The following DMD variants were observed in gnomAD, a reference collection of about 807,000 sequenced individuals.
DMD encodes dystrophin, also known as mutant dystrophin.
A neutral mutation model predicts 330.1 loss-of-function variants in DMD; 63 were observed. The observed-to-expected ratio is 0.19, with a 90% CI of 0.16 to 0.24. The LOEUF (loss-of-function observed/expected upper bound fraction) is 0.24. Ranked by LOEUF, DMD falls within the 10% of genes least tolerant of loss-of-function variation. The pLI, the probability that DMD is intolerant of heterozygous loss-of-function variation, is 1.00. For missense variants in DMD, 3,344 were observed against 2,684.1 expected (o/e 1.25, Z -5.43); for synonymous variants, 1,223 against 959.8 (o/e 1.27, Z -5.07).
chrX:31,325,027 T>C (rs2056680861), intron 61 of DMD, among the ~76,000 whole-genome samples: 1 of 112,296 alleles, frequency 8.9e-6, no homozygotes, highest in South Asian at 3.7e-4. Flanking sequence ...GGATTTGTAT[T>C]TGGCCGGTAA....
intron 13 of DMD, among the ~76,000 whole-genome samples, chrX:32,576,308 C>G (rs1325875600): frequency 3.6e-5 from 4 of 111,235 alleles, no homozygotes; most frequent in Non-Finnish European, 5.7e-5. Flanking sequence ...CCCCAGCATG[C>G]GATTTTTTTC....
chrX:32,918,444 G>A (rs767657310), intron 2 of DMD, among the ~76,000 whole-genome samples: 6 of 110,817 alleles, frequency 5.4e-5, no homozygotes, highest in South Asian at 7.6e-4. Context: ...TCTGCCTCCC[G>A]CCTCAAGTGA....
chrX:32,110,576 T>G (rs1410522542), intron 44 of DMD, among the ~76,000 whole-genome samples: 2 of 111,484 alleles, frequency 1.8e-5, no homozygotes, highest in Non-Finnish European at 3.8e-5. Context: ...AGACTCTAAC[T>G]GGAGAAGAGA....
At chrX:31,782,701 C>T (rs142533353) in intron 50 of DMD, among the ~76,000 whole-genome samples, 281 of 111,507 alleles carry the variant, frequency 2.5e-3, no homozygotes, top group Middle Eastern at 9.3e-3. Flanking sequence ...AACACTTGTA[C>T]GCAAAACAGG....
intron 60 of DMD, among the ~76,000 whole-genome samples, chrX:31,441,291 G>T (rs1357583459): frequency 9.0e-6 from 1 of 111,622 alleles, no homozygotes; most frequent in Non-Finnish European, 1.9e-5. Context: ...CTGCCTCCTG[G>T]TTTCAAGCAA....
intron 52 of DMD, among the ~76,000 whole-genome samples, chrX:31,728,628 C>A (rs1266062807): frequency 9.0e-6 from 1 of 111,453 alleles, no homozygotes; most frequent in Non-Finnish European, 1.9e-5. Flanking sequence ...GTTAACATAG[C>A]AGAATATAAA....
intron 2 of DMD, among the ~76,000 whole-genome samples, chrX:32,991,052 C>A (rs1303432234): frequency 1.8e-5 from 2 of 111,144 alleles, no homozygotes; most frequent in Non-Finnish European, 3.8e-5. Flanking sequence ...TGTTAAAATT[C>A]ATTTTTTCCA....
chrX:32,695,743 T>A (rs1259499299), intron 9 of DMD, among the ~76,000 whole-genome samples: 1 of 111,818 alleles, frequency 8.9e-6, no homozygotes, highest in Admixed American at 9.5e-5. Flanking sequence ...GAATACAGAT[T>A]GAAGCCAGGT....
chrX:31,546,018 T>C (rs1227780935), intron 55 of DMD, among the ~76,000 whole-genome samples: 3 of 111,956 alleles, frequency 2.7e-5, no homozygotes, highest in South Asian at 3.7e-4. Context: ...CCTGAAGTAA[T>C]GGCTGTGTAT....
chrX:31,580,833 A>G (rs1212758447), intron 55 of DMD, among the ~76,000 whole-genome samples: 1 of 111,701 alleles, frequency 9.0e-6, no homozygotes, highest in African/African-American at 3.2e-5. Context: ...TTCTGTCCTT[A>G]TAGTTCTCAT....
intron 60 of DMD, among the ~76,000 whole-genome samples, chrX:31,410,503 T>C (rs1022428943): frequency 4.5e-5 from 5 of 111,422 alleles, no homozygotes; most frequent in Non-Finnish European, 9.4e-5. Flanking sequence ...TTTTGCAGTA[T>C]ACTTTTCCTT....
chrX:31,735,110 G>A (rs1160167873), intron 51 of DMD, among the ~76,000 whole-genome samples: 2 of 111,108 alleles, frequency 1.8e-5, no homozygotes, highest in Non-Finnish European at 3.8e-5. Flanking sequence ...TTCCTTGGGA[G>A]ACATGGGACT....
chrX:32,082,496 G>A (rs138869012), intron 44 of DMD, among the ~76,000 whole-genome samples: 5,513 of 110,829 alleles, frequency 0.05, 118 homozygotes, highest in South Asian at 0.11. Flanking sequence ...AGCCTCAAGC[G>A]ATCCTTACAC....
intron 55 of DMD, among the ~76,000 whole-genome samples, chrX:31,519,075 A>G (rs1020077790): frequency 4.5e-5 from 5 of 112,172 alleles, no homozygotes; most frequent in Non-Finnish European, 9.4e-5. Context: ...TTAAAAATTT[A>G]TCCTTAGTCA....
At chrX:31,352,765 T>G (rs1191252531) in intron 60 of DMD, among the ~76,000 whole-genome samples, 1 of 112,386 alleles carries the variant, frequency 8.9e-6, no homozygotes, top group Non-Finnish European at 1.9e-5. Flanking sequence ...AATGCACAAC[T>G]GGCTAAATAA....
chrX:32,659,308 CTT>C (rs1453132541), intron 9 of DMD, among the ~76,000 whole-genome samples: 1 of 111,519 alleles, frequency 9.0e-6, no homozygotes, highest in Non-Finnish European at 1.9e-5. Context: ...TGTTACATAC[CTT>C]TGTCTCTTTT....
At chrX:32,579,930 T>C (rs1000334180) in intron 13 of DMD, among the ~76,000 whole-genome samples, 11 of 112,603 alleles carry the variant, frequency 9.8e-5, no homozygotes, top group African/African-American at 3.2e-4. Flanking sequence ...TGTGTGAGTA[T>C]ACAAAGTGCT....
At chrX:31,152,967 T>C (rs2037627399) in intron 74 of DMD, among the ~76,000 whole-genome samples, 1 of 112,322 alleles carries the variant, frequency 8.9e-6, no homozygotes, top group Admixed American at 9.4e-5. Flanking sequence ...CATGTGTATG[T>C]TTTCTATTAT....
At position 32,242,589 on chromosome X, in the gene DMD, G is replaced by A. The variant is rs73460043; in HGVS notation, c.6291-25526C>T. On this transcript the variant is annotated intron_variant, in intron 43 of 78. Transcript: ENST00000357033. ...TACACGAAAGATTTATATACAAAGAGTATGTAACTTATTTTATTTGTTAAT... is the reference window on the plus strand; with the variant it reads ...TACACGAAAGATTTATATACAAAGAATATGTAACTTATTTTATTTGTTAAT... Among the ~76,000 whole-genome samples, 717 of 111,232 alleles carry A rather than the reference G, an allele frequency of 6.4e-3. 11 individuals are homozygous for A. Among genetic ancestry groups the A allele is most frequent in the African/African-American group, 0.022 (685 of 30,603 alleles).
Sources: gnomAD v4.1 joint callset for allele counts (sites outside exome capture counted in the v4.1 genomes callset) on GRCh38, gnomAD v4.1.1 for gene constraint, MANE v1.5 for transcripts, NCBI Gene and HGNC (gene_info 2026-07-23, HGNC 2026-07-21) for gene names.